The following SLC35F4 variants were observed in gnomAD, a reference collection of about 807,000 sequenced individuals.
SLC35F4 encodes chromosome 14 open reading frame 36.
A neutral mutation model predicts 44.2 loss-of-function variants in SLC35F4; 24 were observed. The observed-to-expected ratio is 0.54, with a 90% CI of 0.39 to 0.76. SLC35F4 has a LOEUF of 0.76. Among genes scored for constraint, SLC35F4 ranks in the 30% least tolerant of loss-of-function variants. The pLI, the probability that SLC35F4 is intolerant of heterozygous loss-of-function variation, is 0.00. For synonymous variants in SLC35F4, 238 were observed against 223.6 expected (o/e 1.06, Z -0.57); for missense variants, 562 against 586.1 (o/e 0.96, Z 0.42).
rs1415828905 is a variant in SLC35F4 at position 57,735,750 on chromosome 14, C to T, written c.103+129973G>A. ...GTTTTTTTTTTTTTTAAAGACAGAG[C>T]TTCACTCTATCACTCAGGCTGAAGT... On this transcript the variant is annotated intron_variant, in intron 1 of 7. Coordinates refer to ENST00000556826, the MANE Select transcript of SLC35F4 (RefSeq NM_001306087.2). 2.7e-5 allele frequency among the ~76,000 whole-genome samples: 4 copies of T among 150,198 alleles called. No homozygotes were observed. The East Asian group carries it at 7.8e-4, about 29-fold the overall frequency.
intron 1 of SLC35F4, among the ~76,000 whole-genome samples, chr14:57,660,440 G>C (rs1253265859): frequency 6.6e-6 from 1 of 151,324 alleles, no homozygotes; most frequent in African/African-American, 2.4e-5. Flanking sequence ...TAATCCATCA[G>C]CAGCTACGTG....
At chr14:57,891,610 G>A (rs929549060) in intron 1 of SLC35F4, among the ~76,000 whole-genome samples, 3 of 152,120 alleles carry the variant, frequency 2.0e-5, no homozygotes, top group African/African-American at 7.2e-5. Flanking sequence ...AGGCAAGGTG[G>A]CTGACTCCTG....
chr14:57,642,121 T>C (rs1014515801), intron 1 of SLC35F4, among the ~76,000 whole-genome samples: 1 of 152,036 alleles, frequency 6.6e-6, no homozygotes, highest in African/African-American at 2.4e-5. Flanking sequence ...GTCCCACAGT[T>C]GCCCATTAAT....
At chr14:57,829,712 C>T (rs1595160069) in intron 1 of SLC35F4, among the ~76,000 whole-genome samples, 1 of 152,166 alleles carries the variant, frequency 6.6e-6, no homozygotes, top group African/African-American at 2.4e-5. Context: ...AGACCAATCG[C>T]TACTGCAACA....
chr14:57,933,039 CT>C (rs565156783), intron 1 of SLC35F4, among the ~76,000 whole-genome samples: 15,473 of 137,366 alleles, frequency 0.11, 2,162 homozygotes, highest in African/African-American at 0.34. Flanking sequence ...CTCCTATTTA[CT>C]TTTTTTTTTT....
chr14:57,745,349 A>C (rs1459981659), intron 1 of SLC35F4, among the ~76,000 whole-genome samples: 1 of 152,258 alleles, frequency 6.6e-6, no homozygotes, highest in Non-Finnish European at 1.5e-5. Context: ...CAAAGGGCTA[A>C]TATCCAGAAT....
intron 1 of SLC35F4, among the ~76,000 whole-genome samples, chr14:57,961,617 G>C (rs981571448): frequency 2.0e-5 from 3 of 152,188 alleles, no homozygotes; most frequent in Non-Finnish European, 1.5e-5. Context: ...AGACTCTTAA[G>C]ATGCCTATAA....
In SLC35F4 at chr14:57,724,705, C is replaced by A. The variant is rs2076161704; in HGVS notation, c.104-130581G>T. ...TGGGGAGTTCCCTATGGTCAGTTGA[C>A]AGAGGAAGAGAAGACTAGGGCTTGG... On this transcript the variant is annotated intron_variant, in intron 1 of 7. Coordinates refer to ENST00000556826, the MANE Select transcript of SLC35F4 (RefSeq NM_001306087.2). Among the ~76,000 whole-genome samples, 3 of 152,162 alleles carry A rather than the reference C, an allele frequency of 2.0e-5. No individual in the cohort carries two copies. The South Asian group carries it at 6.2e-4, about 32-fold the overall frequency.
At chr14:57,580,202 C>T in intron 4 of SLC35F4, among the ~76,000 whole-genome samples, 1 of 152,214 alleles carries the variant, frequency 6.6e-6, no homozygotes, top group South Asian at 2.1e-4. Context: ...TCAGAATTGT[C>T]TAACTAACTG....
intron 1 of SLC35F4, among the ~76,000 whole-genome samples, chr14:57,686,092 T>G (rs2075059329): frequency 6.6e-6 from 1 of 152,172 alleles, no homozygotes; most frequent in Non-Finnish European, 1.5e-5. Context: ...ATGGGCGAGA[T>G]TACCAGAAAC....
intron 5 of SLC35F4, among the ~76,000 whole-genome samples, chr14:57,571,330 C>T (rs940316836): frequency 6.6e-5 from 10 of 152,126 alleles, no homozygotes; most frequent in Non-Finnish European, 4.4e-5. Flanking sequence ...CTACAGCAGA[C>T]GTAGAGCATC....
chr14:57,570,528 T>C (rs1327829635), intron 5 of SLC35F4, among the ~76,000 whole-genome samples: 1 of 152,164 alleles, frequency 6.6e-6, no homozygotes, highest in Non-Finnish European at 1.5e-5. Flanking sequence ...TTTTATATAT[T>C]ATAAACCTGT....
chr14:57,768,744 T>C (rs1210825261), intron 1 of SLC35F4, among the ~76,000 whole-genome samples: 1 of 151,744 alleles, frequency 6.6e-6, no homozygotes, highest in Non-Finnish European at 1.5e-5. Flanking sequence ...AACCTTGGGT[T>C]CTTGGTTTTT....
At chr14:57,673,197 A>G (rs1384158444) in intron 1 of SLC35F4, among the ~76,000 whole-genome samples, 3 of 152,156 alleles carry the variant, frequency 2.0e-5, no homozygotes, top group Non-Finnish European at 4.4e-5. Context: ...CAACACAACT[A>G]AAAAGCATTC....
intron 1 of SLC35F4, among the ~76,000 whole-genome samples, chr14:57,791,729 G>A (rs537051849): frequency 1.3e-5 from 2 of 152,286 alleles, no homozygotes; most frequent in South Asian, 4.1e-4. Context: ...GCCCATTAAA[G>A]ATAGACTGGA....
At chr14:57,794,216 A>C (rs2077998765) in intron 1 of SLC35F4, among the ~76,000 whole-genome samples, 1 of 152,188 alleles carries the variant, frequency 6.6e-6, no homozygotes, top group South Asian at 2.1e-4. Flanking sequence ...AACTAAGCTA[A>C]AAACTTCTGC....
At chr14:57,590,093 T>TTA (rs1555356296) in intron 2 of SLC35F4, among the ~76,000 whole-genome samples, 1 of 150,552 alleles carries the variant, frequency 6.6e-6, no homozygotes, top group Non-Finnish European at 1.5e-5. Flanking sequence ...TTTTTTTTTT[T>TTA]ACGTTATAGC....
chr14:57,973,514 GCTGGAGGTT>G (rs1232204637), downstream of SLC35F4, among the ~76,000 whole-genome samples: 1 of 152,124 alleles, frequency 6.6e-6, no homozygotes, highest in Non-Finnish European at 1.5e-5. Flanking sequence ...CTGTTTTCCT[GCTGGAGGTT>G]TTCTTATAAG....
At position 57,852,465 on chromosome 14, in the gene SLC35F4, C is replaced by T. The variant is rs568599512; in HGVS notation, c.103+13258G>A. Among the ~76,000 whole-genome samples the T allele has an allele frequency of 1.4e-4, 22 of 152,284 alleles. No individual in the cohort carries two copies. The East Asian group carries it at 2.1e-3, about 15-fold the overall frequency. ...CCAAAGAAATACAGGAGGCCACTAA[C>T]GACTTTAACCAGAGGAATGGCATGA... On this transcript the variant is annotated intron_variant, in intron 1 of 7. Transcript: ENST00000556826.
Sources: allele counts gnomAD v4.1 joint callset (sites outside exome capture counted in the v4.1 genomes callset), GRCh38; gene constraint gnomAD v4.1.1; transcripts MANE v1.5; gene names NCBI Gene and HGNC (gene_info 2026-07-23, HGNC 2026-07-21).